The following ITGA1 variants were observed in gnomAD, a reference collection of about 807,000 sequenced individuals.
The protein encoded by ITGA1 is integrin alpha-1.
In ITGA1, 85 loss-of-function variants were observed where a neutral mutation model predicts 145.9. That is an observed-to-expected ratio of 0.58 (90% CI 0.49 to 0.70). The LOEUF (loss-of-function observed/expected upper bound fraction) is 0.70. ITGA1 is among the 30% of genes least tolerant of loss of function. The pLI is 0.00. For synonymous variants in ITGA1, 520 were observed against 495.3 expected (o/e 1.05, Z -0.66); for missense variants, 1,351 against 1,418.7 (o/e 0.95, Z 0.77).
At position 52,788,249 on chromosome 5, in the gene ITGA1, G is replaced by C. The variant is rs1748162932; in HGVS notation, c.-105G>C. On this transcript the variant is annotated 5_prime_UTR_variant, in exon 1 of 29. Transcript: ENST00000282588. ...CGCTGCCACTGGGGCAGAGGACTGG[G>C]AACCGCGGCAGCGGGATAAGTGGCC... 1 of 876,518 alleles carries C rather than the reference G, an allele frequency of 1.1e-6. No individual in the cohort carries two copies. Among genetic ancestry groups the C allele is most frequent in the Non-Finnish European group, 1.6e-6 (1 of 619,854 alleles). The allele number at this position is 876,518 out of a possible 1,614,324, so 54.3% of individuals were successfully genotyped here. A position where few individuals can be genotyped will look rare whatever the true frequency, so the allele number is the denominator to read the frequency against.
Position 52,911,536 on chromosome 5 carries a change from A to G in ITGA1, c.1857+1117A>G, listed in dbSNP as rs1468023071. Among the ~76,000 whole-genome samples the G allele has an allele frequency of 6.7e-5, 8 of 119,542 alleles. 1 individual carries two copies. The highest frequency in any genetic ancestry group is 1.2e-4 in the Non-Finnish European group (7 of 60,034). The allele number at this position is 119,542 out of a possible 152,430, so 78.4% of individuals were successfully genotyped here. A position where few individuals can be genotyped will look rare whatever the true frequency, so the allele number is the denominator to read the frequency against. On this transcript the variant is annotated intron_variant, in intron 14 of 28. Coordinates refer to ENST00000282588, the MANE Select transcript of ITGA1 (RefSeq NM_181501.2). ...TATATAGTATATATATCTATATATT[A>G]GATACATATACTATATATAGTGTAT...
At position 52,861,572 on chromosome 5, in the gene ITGA1, A is replaced by G. The variant is rs202058373; in HGVS notation, c.295+13A>G. 8 of 1,563,634 alleles carry G rather than the reference A, an allele frequency of 5.1e-6. No homozygotes were observed. The African/African-American group carries it at 1.1e-4, about 21-fold the overall frequency. On this transcript the variant is annotated intron_variant, in intron 3 of 28. Transcript: ENST00000282588. ...TTGGATCTACCAGGTATGTAAAATTAAAAAAATCTGGTTTTAGGCCAGGTG... is the reference window on the plus strand; with the variant it reads ...TTGGATCTACCAGGTATGTAAAATTGAAAAAATCTGGTTTTAGGCCAGGTG...
At chr5:52,851,614 G>C (rs377408065) in intron 2 of ITGA1, among the ~76,000 whole-genome samples, 9 of 152,194 alleles carry the variant, frequency 5.9e-5, no homozygotes, top group African/African-American at 2.2e-4. Flanking sequence ...TGGATAGTAA[G>C]AATAAGGTTG....
chr5:52,870,425 T>A (rs1052109355), intron 6 of ITGA1, among the ~76,000 whole-genome samples: 1 of 129,296 alleles, frequency 7.7e-6, no homozygotes, highest in African/African-American at 3.1e-5. Context: ...CCATACCAAA[T>A]TTCTAAAAGA....
At chr5:52,841,901 A>G (rs1271728915) in intron 1 of ITGA1, among the ~76,000 whole-genome samples, 1 of 152,170 alleles carries the variant, frequency 6.6e-6, no homozygotes, top group African/African-American at 2.4e-5. Context: ...CTTTGGCAAG[A>G]GGTAAGAGCT....
At chr5:52,819,492 T>G (rs1748832927) in intron 1 of ITGA1, among the ~76,000 whole-genome samples, 1 of 152,150 alleles carries the variant, frequency 6.6e-6, no homozygotes, top group Admixed American at 6.5e-5. Flanking sequence ...TTTGATGGAG[T>G]TGTTTGCTTT....
intron 1 of ITGA1, chr5:52,802,242 T>A (rs1237784222): frequency 1.3e-5 from 2 of 156,064 alleles, no homozygotes; most frequent in African/African-American, 4.8e-5. Context: ...TTACATTATT[T>A]CTTTATTTTA....
intron 3 of ITGA1, chr5:52,864,096 T>C (rs1448795418): frequency 6.6e-6 from 1 of 152,246 alleles, no homozygotes; most frequent in Non-Finnish European, 1.5e-5. Context: ...GAAGTTCTTG[T>C]TTTTCCTGTC....
intron 1 of ITGA1, among the ~76,000 whole-genome samples, chr5:52,819,602 A>G (rs372976055): frequency 1.6e-4 from 24 of 152,164 alleles, no homozygotes; most frequent in Admixed American, 5.9e-4. Flanking sequence ...TAGGTTGCCT[A>G]TTCACTCTGA....
At chr5:52,891,943 T>C (rs1750158320) in intron 8 of ITGA1, among the ~76,000 whole-genome samples, 1 of 152,108 alleles carries the variant, frequency 6.6e-6, no homozygotes, top group African/African-American at 2.4e-5. Context: ...AAAAACTAAT[T>C]TTTTTAGGCA....
chr5:52,807,590 CTAAATTT>C (rs1249219668), intron 1 of ITGA1, among the ~76,000 whole-genome samples: 2 of 152,048 alleles, frequency 1.3e-5, no homozygotes, highest in African/African-American at 4.8e-5. Flanking sequence ...TTTGATGACA[CTAAATTT>C]TATATAATCA....
At position 52,873,006 on chromosome 5, in the gene ITGA1, G is replaced by A. The variant is rs529950841; in HGVS notation, c.624+7189G>A. On this transcript the variant is annotated intron_variant, in intron 6 of 28. Coordinates refer to ENST00000282588, the MANE Select transcript of ITGA1 (RefSeq NM_181501.2). ...GACTGAATTACATGACGACAGAATTGTGCCTTAGTCTTTTCATTTATGGAA... is the reference window on the plus strand; with the variant it reads ...GACTGAATTACATGACGACAGAATTATGCCTTAGTCTTTTCATTTATGGAA... Among the ~76,000 whole-genome samples, 6 of 152,198 alleles carry A rather than the reference G, an allele frequency of 3.9e-5. No homozygotes were observed. The East Asian group carries it at 7.7e-4, about 20-fold the overall frequency.
intron 1 of ITGA1, among the ~76,000 whole-genome samples, chr5:52,830,501 A>T (rs1749042346): frequency 6.6e-6 from 1 of 152,192 alleles, no homozygotes. Flanking sequence ...TAAAAAAAAT[A>T]ACTTAGTCAT....
chr5:52,790,444 GTA>G (rs1321555259), intron 1 of ITGA1, among the ~76,000 whole-genome samples: 1 of 152,194 alleles, frequency 6.6e-6, no homozygotes, highest in African/African-American at 2.4e-5. Context: ...TAGGTCAGAA[GTA>G]TCACTGGGCT....
chr5:52,911,429 A>G (rs1211196860), intron 14 of ITGA1, among the ~76,000 whole-genome samples: 3 of 133,422 alleles, frequency 2.2e-5, no homozygotes, highest in African/African-American at 8.1e-5. Flanking sequence ...CTATATAGAT[A>G]CTATATATAG....
chr5:52,866,561 A>G (rs1749691349), intron 6 of ITGA1, among the ~76,000 whole-genome samples: 1 of 152,210 alleles, frequency 6.6e-6, no homozygotes, highest in African/African-American at 2.4e-5. Flanking sequence ...AACTGACCAG[A>G]GGATACTACT....
intron 1 of ITGA1, among the ~76,000 whole-genome samples, chr5:52,831,987 C>T (rs1749078860): frequency 6.6e-6 from 1 of 151,944 alleles, no homozygotes; most frequent in Non-Finnish European, 1.5e-5. Context: ...AGCTCTGTTG[C>T]CTCATTCTTC....
intron 1 of ITGA1, among the ~76,000 whole-genome samples, chr5:52,830,472 CTTTA>C (rs950436231): frequency 1.3e-5 from 2 of 151,836 alleles, no homozygotes; most frequent in African/African-American, 2.4e-5. Context: ...ATTTTTCTGG[CTTTA>C]TTTGACAGGT....
chr5:52,850,771 C>T (rs150535003), intron 2 of ITGA1, among the ~76,000 whole-genome samples: 1 of 152,186 alleles, frequency 6.6e-6, no homozygotes, highest in East Asian at 1.9e-4. Context: ...CCCAATGCTA[C>T]ATGCTAAATT....
Sources: gnomAD v4.1 joint callset for allele counts (sites outside exome capture counted in the v4.1 genomes callset) on GRCh38, gnomAD v4.1.1 for gene constraint, MANE v1.5 for transcripts, NCBI Gene and HGNC (gene_info 2026-07-23, HGNC 2026-07-21) for gene names.